Variants in DDX46 observed in about 807,000 individuals in gnomAD.
The protein encoded by DDX46 is probable ATP-dependent RNA helicase DDX46.
Under a neutral mutation model 134.9 loss-of-function variants are expected in DDX46, and 30 were observed. The ratio of observed to expected loss-of-function variants is 0.22; its 90% CI spans 0.17 to 0.30. The LOEUF is 0.30. Among genes scored for constraint, DDX46 ranks in the 10% least tolerant of loss-of-function variants. DDX46 has a pLI of 1.00. For synonymous variants in DDX46, 415 were observed against 404.1 expected (o/e 1.03, Z -0.32); for missense variants, 622 against 1,248.7 (o/e 0.50, Z 7.56).
chr5:134,782,428 T>A (rs1165964210), intron 8 of DDX46, among the ~76,000 whole-genome samples: 1 of 151,992 alleles, frequency 6.6e-6, no homozygotes, highest in Non-Finnish European at 1.5e-5. Flanking sequence ...GATCACAAGG[T>A]CAAGAGTTTG....
intron 6 of DDX46, 48 bp from the exon 7 acceptor site, chr5:134,781,085 C>G: frequency 1.5e-6 from 2 of 1,355,916 alleles, no homozygotes; most frequent in Non-Finnish European, 2.0e-6. Context: ...AGTCATATAA[C>G]TTGTGTTTCA....
At chr5:134,772,284 G>A (rs569032446) in intron 4 of DDX46, among the ~76,000 whole-genome samples, 15 of 152,178 alleles carry the variant, frequency 9.9e-5, no homozygotes, top group African/African-American at 3.1e-4. Flanking sequence ...AGCAGTTCGG[G>A]AGGCCAAGGT....
intron 7 of DDX46, among the ~76,000 whole-genome samples, chr5:134,781,547 G>A (rs1235857775): frequency 6.6e-6 from 1 of 151,974 alleles, no homozygotes; most frequent in Non-Finnish European, 1.5e-5. Flanking sequence ...CCATTAACAC[G>A]TAAAGATTTA....
intron 5 of DDX46, 120 bp from the exon 6 acceptor site, chr5:134,777,454 T>G: frequency 9.3e-7 from 1 of 1,072,044 alleles, no homozygotes; most frequent in Non-Finnish European, 1.3e-6. Flanking sequence ...ATGGCTGGAG[T>G]AATTGGAAAA....
intron 13 of DDX46, among the ~76,000 whole-genome samples, chr5:134,793,200 T>C (rs1754557483): frequency 6.6e-6 from 1 of 152,102 alleles, no homozygotes; most frequent in Admixed American, 6.6e-5. Flanking sequence ...GATTATTTTG[T>C]GAGCTTCATA....
rs139803995 is a variant in DDX46, at chr5:134,801,544, T to C, written c.1954+5394T>C. Among the ~76,000 whole-genome samples the C allele has an allele frequency of 8.5e-3, 1,295 of 152,210 alleles. 6 individuals are homozygous for C. Among genetic ancestry groups the C allele is most frequent in the Middle Eastern group, 0.041 (12 of 294 alleles). ...TCTTGAGTAGTTGGGACTATACGAA[T>C]GTGCCACCATGCCCAACTAATTTTT... is the stretch of plus-strand genomic sequence containing the variant. On this transcript the variant is annotated intron_variant, in intron 15 of 22. Coordinates refer to ENST00000452510, the MANE Select transcript of DDX46 (RefSeq NM_001300860.2).
At position 134,829,077 on chromosome 5, in the gene DDX46, T is replaced by C. The variant is rs1755667382; in HGVS notation, c.*371T>C. 6.3e-6 allele frequency: 1 copy of C among 158,892 alleles called. No homozygotes were observed. Among genetic ancestry groups the C allele is most frequent in the Admixed American group, 6.4e-5 (1 of 15,518 alleles). 9.8% of individuals were successfully genotyped at this position (158,892 alleles called of 1,614,324 possible). On this transcript the variant is annotated 3_prime_UTR_variant, in exon 23 of 23. Coordinates refer to ENST00000452510, the MANE Select transcript of DDX46 (RefSeq NM_001300860.2). The stretch of plus-strand genomic sequence containing the variant: ...ACTTTATCCTGTACTTTCAATGAAA[T>C]TGTGATCATTTCCTAAGAAAAGGTA...
At chr5:134,759,915 A>G (rs1045223352) in intron 1 of DDX46, among the ~76,000 whole-genome samples, 2 of 152,314 alleles carry the variant, frequency 1.3e-5, no homozygotes, top group African/African-American at 4.8e-5. Flanking sequence ...TGAAAGTGAT[A>G]TTTATTTGAC....
chr5:134,819,647 A>T (rs140782606), intron 21 of DDX46, among the ~76,000 whole-genome samples: 197 of 150,922 alleles, frequency 1.3e-3, no homozygotes, highest in African/African-American at 4.5e-3. Flanking sequence ...CTCCCACCTC[A>T]ACACCCCCAA....
intron 18 of DDX46, among the ~76,000 whole-genome samples, chr5:134,812,554 A>G (rs541180085): frequency 1.3e-5 from 2 of 152,316 alleles, no homozygotes; most frequent in South Asian, 4.2e-4. Flanking sequence ...TGTTAGGTCC[A>G]GGACCACAGT....
intron 3 of DDX46, among the ~76,000 whole-genome samples, chr5:134,768,444 T>A (rs1753652181): frequency 6.6e-6 from 1 of 151,194 alleles, no homozygotes; most frequent in African/African-American, 2.4e-5. Context: ...GGATATCTAG[T>A]ATCCTTTTAT....
chr5:134,769,524 G>A (rs1403813501), intron 3 of DDX46, among the ~76,000 whole-genome samples: 1 of 145,598 alleles, frequency 6.9e-6, no homozygotes, highest in Middle Eastern at 3.5e-3. Flanking sequence ...TAGAGACGGG[G>A]TTTGTTTTTT....
At chr5:134,801,205 G>A (rs573749187) in intron 15 of DDX46, among the ~76,000 whole-genome samples, 13 of 152,126 alleles carry the variant, frequency 8.5e-5, no homozygotes, top group African/African-American at 3.1e-4. Context: ...AGCCTGGGAG[G>A]CGGAGGTTTC....
chr5:134,807,512 G>A (rs879273616), intron 15 of DDX46, among the ~76,000 whole-genome samples: 1 of 152,114 alleles, frequency 6.6e-6, no homozygotes, highest in Non-Finnish European at 1.5e-5. Context: ...TTGGACCTTT[G>A]CAAATATAAA....
At chr5:134,783,703 C>T (rs575822254) in intron 9 of DDX46, among the ~76,000 whole-genome samples, 5 of 150,526 alleles carry the variant, frequency 3.3e-5, no homozygotes, top group Admixed American at 6.6e-5. Context: ...GCATGTGCCA[C>T]CATGCCTGGC....
intron 11 of DDX46, among the ~76,000 whole-genome samples, chr5:134,786,847 G>T (rs1393060661): frequency 6.6e-6 from 1 of 152,030 alleles, no homozygotes; most frequent in Non-Finnish European, 1.5e-5. Flanking sequence ...TCCATCTTGG[G>T]GGGTGGCGGA....
At position 134,763,895 on chromosome 5, in the gene DDX46, T is replaced by C. The variant is rs375907862; in HGVS notation, c.18-9T>C. The C allele has an allele frequency of 3.2e-5, 51 of 1,603,596 alleles. No homozygotes were observed. The African/African-American group carries it at 4.7e-4, about 15-fold the overall frequency. ...TTTGCTGAACTTAATCTTTGACTTA[T>C]TGTTCTAGCCACTATCGAAAACGAT... On this transcript the variant is annotated splice_polypyrimidine_tract_variant and intron_variant, in intron 1 of 22. Coordinates refer to ENST00000452510, the MANE Select transcript of DDX46 (RefSeq NM_001300860.2).
chr5:134,780,996 C>G (rs1318996479), intron 6 of DDX46, 137 bp from the exon 7 acceptor site: 1 of 561,102 alleles, frequency 1.8e-6, no homozygotes, highest in Non-Finnish European at 3.0e-6. Context: ...ACCACTCAAG[C>G]CTGGGTGACT....
At chr5:134,789,384 GCT>G (rs1385094266) in intron 12 of DDX46, 1 of 152,158 alleles carries the variant, frequency 6.6e-6, no homozygotes, top group African/African-American at 2.4e-5. Context: ...TGAAGAAAAT[GCT>G]CTCAGAGGTT....
Sources: gnomAD v4.1 joint callset for allele counts (sites outside exome capture counted in the v4.1 genomes callset) on GRCh38, gnomAD v4.1.1 for gene constraint, MANE v1.5 for transcripts, NCBI Gene and HGNC (gene_info 2026-07-23, HGNC 2026-07-21) for gene names.